NTM: variants seen among roughly 807,000 people sequenced by gnomAD.
NTM encodes IgLON family member 2.
NTM carries 13 observed loss-of-function variants against 42.1 expected under a neutral mutation model. The observed-to-expected ratio is 0.31, with a 90% CI of 0.20 to 0.49. NTM has a LOEUF of 0.49. Among genes scored for constraint, NTM ranks in the 20% least tolerant of loss-of-function variants. NTM has a pLI of 0.99. For synonymous variants in NTM, 187 were observed against 179.2 expected, an observed-to-expected ratio of 1.04 and a Z score of -0.35; for missense variants, 373 against 452.8, an observed-to-expected ratio of 0.82 and a Z score of 1.60.
chr11:132,314,808 C>T, intron 7 of NTM, 105 bp downstream of exon 7: 1 of 1,408,286 alleles, frequency 7.1e-7, no homozygotes, highest in Non-Finnish European at 9.2e-7. Flanking sequence ...AGCAGGGTAT[C>T]AGTGGACATG....
intron 1 of NTM, among the ~76,000 whole-genome samples, chr11:131,492,713 AT>A (rs1954928058): frequency 6.6e-6 from 1 of 152,210 alleles, no homozygotes; most frequent in Non-Finnish European, 1.5e-5. Context: ...TGTCTGGAGC[AT>A]GAATATCAAG....
intron 4 of NTM, among the ~76,000 whole-genome samples, chr11:132,270,603 A>C (rs1010986692): frequency 2.0e-5 from 3 of 151,934 alleles, no homozygotes; most frequent in Non-Finnish European, 4.4e-5. Flanking sequence ...GGTTATTATG[A>C]CTAAAACTGT....
intron 1 of NTM, among the ~76,000 whole-genome samples, chr11:131,633,756 C>CTCT (rs1565355276): frequency 7.8e-4 from 30 of 38,490 alleles, no homozygotes; most frequent in African/African-American, 2.7e-3. Context: ...TCTCTCCCTC[C>CTCT]CTCTCTCTCC....
At chr11:131,495,461 G>T (rs569416951) in intron 1 of NTM, among the ~76,000 whole-genome samples, 1 of 152,254 alleles carries the variant, frequency 6.6e-6, no homozygotes, top group African/African-American at 2.4e-5. Flanking sequence ...CTGTGCTGCG[G>T]TGGGGCTTGC....
intron 4 of NTM, among the ~76,000 whole-genome samples, chr11:132,267,310 A>C (rs1483234767): frequency 6.6e-6 from 1 of 152,218 alleles, no homozygotes; most frequent in Non-Finnish European, 1.5e-5. Flanking sequence ...CATTGCAAAC[A>C]TCATCGGAAG....
chr11:131,736,777 C>A (rs191982770), intron 1 of NTM, among the ~76,000 whole-genome samples: 67 of 152,162 alleles, frequency 4.4e-4, no homozygotes, highest in Middle Eastern at 6.8e-3. Context: ...TAAGGGGAGA[C>A]GAGGGAGACA....
At chr11:132,121,205 C>A (rs2064763222) in intron 2 of NTM, among the ~76,000 whole-genome samples, 1 of 152,140 alleles carries the variant, frequency 6.6e-6, no homozygotes, top group Admixed American at 6.5e-5. Context: ...CAGGCAATGA[C>A]CTCTATAAGC....
chr11:132,006,483 G>A (rs1050944860), intron 2 of NTM, among the ~76,000 whole-genome samples: 6 of 152,224 alleles, frequency 3.9e-5, no homozygotes, highest in African/African-American at 1.4e-4. Flanking sequence ...ATAGATTAAA[G>A]GCTTTATTGC....
chr11:132,031,938 C>G (rs1238252090), intron 2 of NTM, among the ~76,000 whole-genome samples: 1 of 151,890 alleles, frequency 6.6e-6, no homozygotes, highest in Non-Finnish European at 1.5e-5. Context: ...TAATCTTTCT[C>G]CTTCTCTATC....
intron 4 of NTM, among the ~76,000 whole-genome samples, chr11:132,304,519 G>C (rs905732974): frequency 2.0e-5 from 3 of 151,848 alleles, no homozygotes; most frequent in African/African-American, 7.3e-5. Flanking sequence ...ACTTTTCGTT[G>C]ATTTATTAAC....
intron 2 of NTM, among the ~76,000 whole-genome samples, chr11:131,968,757 A>G (rs1185600843): frequency 5.9e-5 from 9 of 152,104 alleles, no homozygotes; most frequent in Non-Finnish European, 1.3e-4. Flanking sequence ...TTTATAATTC[A>G]CACATATCCT....
intron 1 of NTM, among the ~76,000 whole-genome samples, chr11:131,583,931 A>G (rs181873818): frequency 1.2e-4 from 18 of 152,308 alleles, no homozygotes; most frequent in Admixed American, 1.2e-3. Flanking sequence ...CACTGTCCCA[A>G]GGATCTGCAG....
At chr11:131,988,968 A>G (rs1232828887) in intron 2 of NTM, among the ~76,000 whole-genome samples, 1 of 152,220 alleles carries the variant, frequency 6.6e-6, no homozygotes, top group African/African-American at 2.4e-5. Context: ...TAAAATAGAT[A>G]TATCATCTTC....
At chr11:132,268,229 C>T (rs187486519) in intron 4 of NTM, among the ~76,000 whole-genome samples, 2 of 152,312 alleles carry the variant, frequency 1.3e-5, no homozygotes, top group African/African-American at 2.4e-5. Context: ...TAAAGGTAGA[C>T]TTCTAGAATC....
At chr11:131,995,877 GT>G (rs112689797) in intron 2 of NTM, among the ~76,000 whole-genome samples, 3,699 of 152,194 alleles carry the variant, frequency 0.024, 134 homozygotes, top group African/African-American at 0.084. Context: ...ATTAAGGCAG[GT>G]AAGGGAGCAG....
At chr11:131,428,403 A>T (rs1027614480) in intron 1 of NTM, among the ~76,000 whole-genome samples, 2 of 152,036 alleles carry the variant, frequency 1.3e-5, no homozygotes, top group African/African-American at 4.8e-5. Flanking sequence ...CTACTTCTTG[A>T]TTTATCTACA....
intron 1 of NTM, among the ~76,000 whole-genome samples, chr11:131,522,740 T>G (rs1382097792): frequency 6.6e-6 from 1 of 152,230 alleles, no homozygotes; most frequent in Non-Finnish European, 1.5e-5. Flanking sequence ...GTGCTTTCCT[T>G]GGCCTCCATA....
intron 3 of NTM, among the ~76,000 whole-genome samples, chr11:132,188,004 T>C (rs544915822): frequency 9.2e-5 from 14 of 152,248 alleles, no homozygotes; most frequent in African/African-American, 3.1e-4. Context: ...CTCCTAAAGA[T>C]AAGCTAGCCC....
At chr11:132,134,870 G>A (rs566707159) in intron 2 of NTM, among the ~76,000 whole-genome samples, 3 of 150,436 alleles carry the variant, frequency 2.0e-5, no homozygotes, top group Admixed American at 6.6e-5. Context: ...TATCTTTTTC[G>A]TATTATATAA....
Sources: allele counts gnomAD v4.1 joint callset (sites outside exome capture counted in the v4.1 genomes callset), GRCh38; gene constraint gnomAD v4.1.1; transcripts MANE v1.5; gene names NCBI Gene and HGNC (gene_info 2026-07-23, HGNC 2026-07-21).